The following ZNF385D variants were observed in gnomAD, a reference collection of about 807,000 sequenced individuals.
ZNF385D encodes the protein zinc finger protein 659.
A neutral mutation model predicts 35.8 loss-of-function variants in ZNF385D; 15 were observed. The ratio of observed to expected loss-of-function variants is 0.42; its 90% CI spans 0.28 to 0.64. The LOEUF (loss-of-function observed/expected upper bound fraction) is 0.64. ZNF385D is among the 30% of genes least tolerant of loss of function. ZNF385D has a pLI of 0.23. For synonymous variants in ZNF385D, 212 were observed against 186.8 expected, an observed-to-expected ratio of 1.13 and a Z score of -1.10; for missense variants, 474 against 494.6, an observed-to-expected ratio of 0.96 and a Z score of 0.39.
chr3:21,738,827 G>A (rs1163911539), intron 1 of ZNF385D, among the ~76,000 whole-genome samples: 1 of 152,100 alleles, frequency 6.6e-6, no homozygotes, highest in Non-Finnish European at 1.5e-5. Flanking sequence ...GATTATGTTG[G>A]GTCCTTTCTG....
intron 3 of ZNF385D, among the ~76,000 whole-genome samples, chr3:21,804,087 G>A (rs924253683): frequency 6.6e-6 from 1 of 152,156 alleles, no homozygotes; most frequent in South Asian, 2.1e-4. Flanking sequence ...TTTCAGTTGA[G>A]AAATCAGTGC....
chr3:21,543,077 C>G (rs921022835), intron 3 of ZNF385D: 2 of 152,358 alleles, frequency 1.3e-5, no homozygotes, highest in African/African-American at 4.8e-5. Context: ...CTTTGGGAGG[C>G]CAAGGCGAGC....
At chr3:21,967,030 C>G (rs900761959) in intron 3 of ZNF385D, among the ~76,000 whole-genome samples, 1 of 152,172 alleles carries the variant, frequency 6.6e-6, no homozygotes, top group African/African-American at 2.4e-5. Flanking sequence ...AAATTAAAAT[C>G]TGTATAGTAA....
intron 3 of ZNF385D, among the ~76,000 whole-genome samples, chr3:21,815,426 T>C (rs142708486): frequency 0.041 from 6,209 of 152,206 alleles, 188 homozygotes; most frequent in Middle Eastern, 0.078. Flanking sequence ...ACAAAAGTGA[T>C]AGACCACTAG....
At chr3:22,178,351 T>A (rs1694977275) in intron 2 of ZNF385D, among the ~76,000 whole-genome samples, 1 of 152,378 alleles carries the variant, frequency 6.6e-6, no homozygotes, top group Non-Finnish European at 1.5e-5. Context: ...ATAAGCATTT[T>A]TTCATGTGTC....
chr3:22,194,670 C>T (rs75058788), intron 2 of ZNF385D, among the ~76,000 whole-genome samples: 4,362 of 151,946 alleles, frequency 0.029, 208 homozygotes, highest in African/African-American at 0.099. Flanking sequence ...TGTAGGCATA[C>T]CCTTTTTACA....
intron 2 of ZNF385D, among the ~76,000 whole-genome samples, chr3:21,660,419 T>C (rs1486039542): frequency 6.6e-6 from 1 of 152,116 alleles, no homozygotes; most frequent in African/African-American, 2.4e-5. Context: ...GAAGTCAGTT[T>C]TCCTCATTTA....
chr3:21,664,321 G>A (rs1413886251), intron 2 of ZNF385D, among the ~76,000 whole-genome samples: 1 of 151,976 alleles, frequency 6.6e-6, no homozygotes. Flanking sequence ...AAAGCCCAAA[G>A]AAACAAAGAA....
chr3:21,659,196 A>T (rs1255671569), intron 2 of ZNF385D, among the ~76,000 whole-genome samples: 2 of 152,060 alleles, frequency 1.3e-5, no homozygotes, highest in East Asian at 3.9e-4. Context: ...TCAGTAAAAA[A>T]TTACCTCTTC....
intron 3 of ZNF385D, among the ~76,000 whole-genome samples, chr3:22,007,779 C>G (rs112275250): frequency 0.16 from 24,911 of 151,630 alleles, 2,203 homozygotes; most frequent in Non-Finnish European, 0.19. Flanking sequence ...TGTTTTATCT[C>G]AACTGCCTTT....
intron 2 of ZNF385D, among the ~76,000 whole-genome samples, chr3:22,189,248 A>G (rs1000042831): frequency 6.6e-6 from 1 of 152,178 alleles, no homozygotes; most frequent in Non-Finnish European, 1.5e-5. Context: ...CCTATGGCAT[A>G]AACTGCAAGT....
chr3:21,579,442 TA>T (rs1280232106), intron 2 of ZNF385D: 2 of 152,180 alleles, frequency 1.3e-5, no homozygotes, highest in African/African-American at 4.8e-5. Flanking sequence ...AATTTTCTCT[TA>T]TTCTAAAATA....
At chr3:22,184,551 TAC>T (rs1159813568) in intron 2 of ZNF385D, among the ~76,000 whole-genome samples, 1 of 151,990 alleles carries the variant, frequency 6.6e-6, no homozygotes, top group Non-Finnish European at 1.5e-5. Flanking sequence ...CGGGGCCAGG[TAC>T]AGTGGCTCAT....
rs71044934 is a variant in ZNF385D at position 21,684,404 on chromosome 3, CCTCTCTCT to C, written c.23-19384_23-19377del. Among the ~76,000 whole-genome samples the C allele has an allele frequency of 8.1e-3, 572 of 70,544 alleles. 19 individuals are homozygous for C. The highest frequency in any genetic ancestry group is 0.03 in the East Asian group (46 of 1,524). 46.3% of individuals were successfully genotyped at this position (70,544 alleles called of 152,430 possible). A position where few individuals can be genotyped will look rare whatever the true frequency, so the allele number is the denominator to read the frequency against. On this transcript the variant is annotated intron_variant, in intron 1 of 7. Coordinates refer to ENST00000281523, the MANE Select transcript of ZNF385D (RefSeq NM_024697.3). Reference sequence around the variant, plus strand: ...TCTCTCTCTCTCTCTCTCTCTCTCTCCTCTCTCTCTCTCTCTCTCTCTCTCTCCTCTCT... The same window carrying C: ...TCTCTCTCTCTCTCTCTCTCTCTCTCCTCTCTCTCTCTCTCTCTCCTCTCT...
At chr3:21,433,973 G>A (rs145943951) in intron 5 of ZNF385D, among the ~76,000 whole-genome samples, 663 of 152,166 alleles carry the variant, frequency 4.4e-3, no homozygotes, top group African/African-American at 7.3e-3. Flanking sequence ...CTAAGGGCAC[G>A]GTTCATGCAT....
chr3:22,165,697 T>C (rs561910734), intron 3 of ZNF385D, among the ~76,000 whole-genome samples: 1 of 152,318 alleles, frequency 6.6e-6, no homozygotes, highest in South Asian at 2.1e-4. Context: ...TATTTCCATC[T>C]AGTTTCCAGC....
intron 4 of ZNF385D, among the ~76,000 whole-genome samples, chr3:21,463,029 T>C (rs905593201): frequency 4.0e-5 from 6 of 151,654 alleles, no homozygotes; most frequent in Non-Finnish European, 8.8e-5. Context: ...AAAGAGGCAA[T>C]ACCAAAAAAA....
At chr3:21,920,007 T>C (rs1156941865) in intron 3 of ZNF385D, among the ~76,000 whole-genome samples, 2 of 152,226 alleles carry the variant, frequency 1.3e-5, no homozygotes, top group Middle Eastern at 3.2e-3. Context: ...TCACATTGCA[T>C]TGAAATCATT....
intron 2 of ZNF385D, among the ~76,000 whole-genome samples, chr3:22,321,008 T>A (rs897140508): frequency 7.9e-5 from 12 of 151,912 alleles, no homozygotes; most frequent in Non-Finnish European, 1.2e-4. Flanking sequence ...CGGAAAAACA[T>A]AATAAATCCT....
Sources: gnomAD v4.1 joint callset for allele counts (sites outside exome capture counted in the v4.1 genomes callset) on GRCh38, gnomAD v4.1.1 for gene constraint, MANE v1.5 for transcripts, NCBI Gene and HGNC (gene_info 2026-07-23, HGNC 2026-07-21) for gene names.